Variants in HIVEP3 observed in about 807,000 individuals in gnomAD.
HIVEP3 encodes the protein HIVEP zinc finger 3.
A neutral mutation model predicts 152.8 loss-of-function variants in HIVEP3; 49 were observed. The ratio of observed to expected loss-of-function variants is 0.32; its 90% CI spans 0.26 to 0.41. The LOEUF is 0.41. Ranked by LOEUF, HIVEP3 falls within the 10% of genes least tolerant of loss-of-function variation. The pLI, the probability that HIVEP3 is intolerant of heterozygous loss-of-function variation, is 1.00. For missense variants in HIVEP3, 2,790 were observed against 3,103.3 expected (o/e 0.90, Z 2.40); for synonymous variants, 1,269 against 1,289.0 (o/e 0.98, Z 0.33).
At chr1:41,906,035 C>T (rs551263229) in intron 1 of HIVEP3, among the ~76,000 whole-genome samples, 5 of 152,266 alleles carry the variant, frequency 3.3e-5, no homozygotes, top group Non-Finnish European at 5.9e-5. Context: ...GGTGGCCAGG[C>T]GCGGTGGCTC....
intron 5 of HIVEP3, among the ~76,000 whole-genome samples, chr1:41,537,490 C>T (rs1383514456): frequency 2.0e-5 from 3 of 152,196 alleles, no homozygotes; most frequent in Admixed American, 2.0e-4. Flanking sequence ...AGGTCTGGTA[C>T]CCTGGGAGGT....
intron 2 of HIVEP3, among the ~76,000 whole-genome samples, chr1:41,661,516 A>G (rs530646233): frequency 2.4e-4 from 36 of 152,292 alleles, no homozygotes; most frequent in African/African-American, 8.2e-4. Flanking sequence ...CATGCCAGGT[A>G]CAACCCGCTA....
At chr1:41,593,779 T>C (rs1644623509) in intron 3 of HIVEP3, among the ~76,000 whole-genome samples, 1 of 152,282 alleles carries the variant, frequency 6.6e-6, no homozygotes, top group Non-Finnish European at 1.5e-5. Context: ...ATGCAAAATT[T>C]ACTATCTTAT....
intron 1 of HIVEP3, among the ~76,000 whole-genome samples, chr1:41,988,136 A>G (rs1645335107): frequency 6.6e-6 from 1 of 152,214 alleles, no homozygotes; most frequent in South Asian, 2.1e-4. Flanking sequence ...ACTACCAGAA[A>G]AAGACAAAGG....
chr1:41,577,255 T>G (rs760562154), intron 4 of HIVEP3, among the ~76,000 whole-genome samples: 1 of 152,230 alleles, frequency 6.6e-6, no homozygotes, highest in African/African-American at 2.4e-5. Context: ...CAGTGTGGCA[T>G]ACACTGTTCT....
Position 41,807,210 on chromosome 1 carries a change from C to A in HIVEP3, c.-800-106215G>T, listed in dbSNP as rs113186769. ...CCATGCTGCTGCAGGGCCGGCATGC[C>A]CCCTCCTCACCCTCACGGGGAGGGC... On this transcript the variant is annotated intron_variant, in intron 1 of 8. Coordinates refer to ENST00000372583, the MANE Select transcript of HIVEP3 (RefSeq NM_024503.5). 3.1e-3 allele frequency among the ~76,000 whole-genome samples: 474 copies of A among 152,318 alleles called. 4 individuals carry two copies. The highest frequency in any genetic ancestry group is 5.5e-3 in the Non-Finnish European group (376 of 68,024).
intron 1 of HIVEP3, among the ~76,000 whole-genome samples, chr1:41,806,638 A>G (rs1372171341): frequency 1.3e-5 from 2 of 152,240 alleles, no homozygotes; most frequent in Non-Finnish European, 2.9e-5. Flanking sequence ...GCTCCGTCCC[A>G]GCACCATGAT....
Position 41,662,184 on chromosome 1 carries a change from ACTGGGCTGCG to A in HIVEP3, c.-720-33247_-720-33238del, listed in dbSNP as rs1222684825. ...TCTGGGCTGGGCTGCGCCGCGCTGG[ACTGGGCTGCG>A]CTGGGCTGCGCGCCCGGCCTCCGCG... On this transcript the variant is annotated intron_variant, in intron 2 of 8. Coordinates refer to ENST00000372583, the MANE Select transcript of HIVEP3 (RefSeq NM_024503.5). This position sits in a 1 kb window ranked among gnomAD's most constrained non-coding sequence, Gnocchi z 7.2. The A allele has an allele frequency of 6.8e-6, 1 of 146,868 alleles. No individual in the cohort carries two copies. The highest frequency in any genetic ancestry group is 1.5e-5 in the Non-Finnish European group (1 of 66,148). 9.1% of individuals were successfully genotyped at this position (146,868 alleles called of 1,614,324 possible). A position where few individuals can be genotyped will look rare whatever the true frequency, so the allele number is the denominator to read the frequency against.
intron 1 of HIVEP3, among the ~76,000 whole-genome samples, chr1:41,789,991 C>G (rs1283671401): frequency 6.6e-6 from 1 of 152,182 alleles, no homozygotes; most frequent in Non-Finnish European, 1.5e-5. Flanking sequence ...ACAAGATAAT[C>G]CCATGGAGTA....
intron 3 of HIVEP3, among the ~76,000 whole-genome samples, chr1:41,590,353 C>A (rs1364235092): frequency 6.6e-6 from 1 of 152,232 alleles, no homozygotes; most frequent in Non-Finnish European, 1.5e-5. Context: ...GGTCTATGGC[C>A]ACCAGCTAGA....
intron 3 of HIVEP3, among the ~76,000 whole-genome samples, chr1:41,595,479 G>T (rs1018868735): frequency 1.4e-4 from 21 of 152,170 alleles, no homozygotes; most frequent in Admixed American, 3.9e-4. Flanking sequence ...AAAGGAGTCT[G>T]GAGACTAATT....
intron 2 of HIVEP3, among the ~76,000 whole-genome samples, chr1:41,657,985 T>A (rs548527137): frequency 6.6e-6 from 1 of 152,272 alleles, no homozygotes; most frequent in Non-Finnish European, 1.5e-5. Flanking sequence ...CCACATGCTG[T>A]CCCCAGACTC....
At chr1:41,853,259 A>G (rs67429309) in intron 1 of HIVEP3, among the ~76,000 whole-genome samples, 31,540 of 152,102 alleles carry the variant, frequency 0.21, 3,529 homozygotes, top group African/African-American at 0.3. Flanking sequence ...GGGAGGTTCT[A>G]TTAGTCTGTT....
chr1:41,644,320 A>G (rs1243838086), intron 2 of HIVEP3, among the ~76,000 whole-genome samples: 1 of 152,142 alleles, frequency 6.6e-6, no homozygotes. Flanking sequence ...GTGGGTGAAC[A>G]GGACCTGGGA....
At chr1:42,012,098 C>T (rs1029403161) in intron 1 of HIVEP3, among the ~76,000 whole-genome samples, 1 of 152,206 alleles carries the variant, frequency 6.6e-6, no homozygotes, top group African/African-American at 2.4e-5. Flanking sequence ...AACCCTGGAA[C>T]ATTTCCTCTG....
chr1:41,994,410 A>C (rs1308407776), intron 1 of HIVEP3, among the ~76,000 whole-genome samples: 1 of 152,128 alleles, frequency 6.6e-6, no homozygotes, highest in Non-Finnish European at 1.5e-5. Context: ...CCCAAATCTC[A>C]TGTTGAATTG....
At chr1:41,795,795 T>G (rs1649949779) in intron 1 of HIVEP3, among the ~76,000 whole-genome samples, 1 of 152,234 alleles carries the variant, frequency 6.6e-6, no homozygotes, top group Admixed American at 6.5e-5. Flanking sequence ...TCAGACATCC[T>G]ACCATCTTTT....
intron 1 of HIVEP3, among the ~76,000 whole-genome samples, chr1:41,761,226 GTGTGCACA>G (rs1647657464): frequency 6.6e-6 from 1 of 152,242 alleles, no homozygotes; most frequent in African/African-American, 2.4e-5. Flanking sequence ...GCATATGTGT[GTGTGCACA>G]TGTGAGTACA....
Position 41,580,494 on chromosome 1 carries a change from G to C in HIVEP3, c.4304C>G (p.Ala1435Gly), listed in dbSNP as rs1365400011. Residue 1435 changes from alanine (A) to glycine (G), a missense_variant, in exon 4 of 9, where the codon GCT (alanine) becomes GGT (glycine). Ala to Gly is a moderately conservative substitution (Grantham distance 60). Coordinates refer to ENST00000372583, the MANE Select transcript of HIVEP3 (RefSeq NM_024503.5). Reference protein sequence around the residue: ...AGGSKRVLSPAGSLELTMETQ... With the variant: ...AGGSKRVLSPGGSLELTMETQ... ...TTCCATGGTAAGTTCAAGGCTGCCA[G>C]CTGGTGAAAGGACACGTTTGCTTCC... The C allele has an allele frequency of 1.2e-6, 2 of 1,614,110 alleles. No individual in the cohort carries two copies. The highest frequency in any genetic ancestry group is 1.7e-6 in the Non-Finnish European group (2 of 1,180,050).
Sources: allele counts gnomAD v4.1 joint callset (sites outside exome capture counted in the v4.1 genomes callset), GRCh38; gene constraint gnomAD v4.1.1; non-coding constraint Gnocchi (gnomAD v3.1); transcripts MANE v1.5; gene names NCBI Gene and HGNC (gene_info 2026-07-23, HGNC 2026-07-21).